The following APBA1 variants were observed in gnomAD, a reference collection of about 807,000 sequenced individuals.
APBA1 encodes the protein amyloid-beta A4 precursor protein-binding family A member 1.
APBA1 carries 55 observed loss-of-function variants against 86.6 expected under a neutral mutation model. That is an observed-to-expected ratio of 0.64 (90% CI 0.51 to 0.80). APBA1 has a LOEUF of 0.80. Among genes scored for constraint, APBA1 ranks in the 30% least tolerant of loss-of-function variants. The pLI is 0.00. For missense variants in APBA1, 1,090 were observed against 1,183.0 expected (o/e 0.92, Z 1.15); for synonymous variants, 511 against 493.9 (o/e 1.03, Z -0.46).
chr9:69,655,648 C>T (rs980806341), intron 1 of APBA1, among the ~76,000 whole-genome samples: 1 of 152,070 alleles, frequency 6.6e-6, no homozygotes, highest in African/African-American at 2.4e-5. Context: ...ATTAAAATGA[C>T]TGTATCTACA....
chr9:69,466,464 C>A (rs1225582941), intron 5 of APBA1, among the ~76,000 whole-genome samples: 1 of 152,222 alleles, frequency 6.6e-6, no homozygotes, highest in Non-Finnish European at 1.5e-5. Flanking sequence ...TTCCTTTCTA[C>A]CTCTCAGGCA....
intron 2 of APBA1, among the ~76,000 whole-genome samples, chr9:69,482,468 A>C (rs1835528853): frequency 6.6e-6 from 1 of 151,070 alleles, no homozygotes; most frequent in Admixed American, 6.6e-5. Flanking sequence ...AAAAGTCAGG[A>C]AACAATGGGT....
intron 1 of APBA1, among the ~76,000 whole-genome samples, chr9:69,661,801 C>G (rs1823756706): frequency 6.6e-6 from 1 of 152,012 alleles, no homozygotes; most frequent in Non-Finnish European, 1.5e-5. Context: ...TGGTTTTTCT[C>G]TCCTTTCCTC....
chr9:69,487,086 A>T (rs963363341), intron 2 of APBA1, among the ~76,000 whole-genome samples: 4 of 152,134 alleles, frequency 2.6e-5, no homozygotes, highest in Admixed American at 1.3e-4. Flanking sequence ...CTGGAGGTAA[A>T]GGCTTCCTGC....
chr9:69,460,467 C>T (rs1421084468), intron 5 of APBA1, among the ~76,000 whole-genome samples: 1 of 152,184 alleles, frequency 6.6e-6, no homozygotes, highest in East Asian at 1.9e-4. Context: ...GCATAACTGA[C>T]AGCTGGGAGA....
At chr9:69,434,045 C>T (rs1030271233) in intron 11 of APBA1, among the ~76,000 whole-genome samples, 3 of 152,320 alleles carry the variant, frequency 2.0e-5, no homozygotes, top group East Asian at 3.9e-4. Context: ...CTCCTGGCCT[C>T]AAGTGATCTG....
chr9:69,525,863 A>G (rs1836334128), intron 1 of APBA1, among the ~76,000 whole-genome samples: 1 of 152,172 alleles, frequency 6.6e-6, no homozygotes, highest in Non-Finnish European at 1.5e-5. Context: ...TTGTACAAAA[A>G]CAGACACATA....
Position 69,668,687 on chromosome 9 carries a change from CTCTT to C in APBA1, c.-70+3462_-70+3465del, listed in dbSNP as rs1823886944. On this transcript the variant is annotated intron_variant, in intron 1 of 12. Transcript: ENST00000265381. ...TTGCTCCACCACCTTGAACAAACCT[CTCTT>C]TCTTGCTTTATCCCTCATTACATCT... Among the ~76,000 whole-genome samples, 6 of 152,342 alleles carry C rather than the reference CTCTT, an allele frequency of 3.9e-5. No homozygotes were observed. The South Asian group carries it at 1.2e-3, about 32-fold the overall frequency.
chr9:69,566,049 G>C lies in APBA1; in HGVS notation c.-69-48770C>G, dbSNP rs958760918. Among the ~76,000 whole-genome samples, 18 of 152,266 alleles carry C rather than the reference G, an allele frequency of 1.2e-4. No individual in the cohort carries two copies. In the South Asian group the frequency reaches 1.9e-3, roughly 16 times the overall value. On this transcript the variant is annotated intron_variant, in intron 1 of 12. Coordinates refer to ENST00000265381, the MANE Select transcript of APBA1 (RefSeq NM_001163.4). ...TCCCAGCTTCAGAACTCCCTGCCCT[G>C]CTCCTGCACACATGCAGGGCCCTTG...
At chr9:69,483,987 C>T (rs143136805) in intron 2 of APBA1, among the ~76,000 whole-genome samples, 46 of 152,182 alleles carry the variant, frequency 3.0e-4, no homozygotes, top group African/African-American at 8.9e-4. Flanking sequence ...AATTTAATGC[C>T]TTTAAATTTC....
Position 69,517,085 on chromosome 9 carries a change from C to T in APBA1, c.126G>A (p.Pro42=), listed in dbSNP as rs769331445. The T allele has an allele frequency of 1.9e-6, 3 of 1,580,190 alleles. No homozygotes were observed. The South Asian group carries it at 3.4e-5, about 18-fold the overall frequency. Reference sequence around the variant, plus strand: ...GGCGGCCCACATAGTGCTGCTGCTGCGGCGGCTGCTGCTGTTCCTCTTCCA... The same window carrying T: ...GGCGGCCCACATAGTGCTGCTGCTGTGGCGGCTGCTGCTGTTCCTCTTCCA... ...PEVEEEQQQP[P]QQQHYVGRHQ... The change falls in exon 2 of 13, where the codon CCG becomes CCA. Residue 42 remains proline (P), a synonymous_variant. Coordinates refer to ENST00000265381, the MANE Select transcript of APBA1 (RefSeq NM_001163.4).
In APBA1 at chr9:69,516,225, G is replaced by A. The variant is rs754033623; in HGVS notation, c.986C>T (p.Ala329Val). 1.9e-5 allele frequency: 28 copies of A among 1,483,692 alleles called. No individual in the cohort carries two copies. The highest frequency in any genetic ancestry group is 1.5e-5 in the Non-Finnish European group (17 of 1,114,444). The allele number at this position is 1,483,692 out of a possible 1,614,324, so 91.9% of individuals were successfully genotyped here. The stretch of plus-strand genomic sequence containing the variant: ...CCGCTGCCCCGCCTCGCCGCCGCCC[G>A]CGGGGCCCACCGCCCGCTGCTGCCC... ...PAGQQRAVGPAGGGEAGQRYS... is the reference protein window; with the variant it reads ...PAGQQRAVGPVGGGEAGQRYS... Residue 329 changes from alanine (A) to valine (V), a missense_variant, in exon 2 of 13, where the codon GCG becomes GTG. By Grantham distance (64) the Ala-to-Val change is moderately conservative (BLOSUM62 0). This residue lies in a region of APBA1 where 678 missense variants were observed against 647.1 expected (regional missense o/e 1.05). Coordinates refer to ENST00000265381, the MANE Select transcript of APBA1 (RefSeq NM_001163.4). The surrounding 1 kb of genome is among the most constrained non-coding windows in gnomAD (Gnocchi z 7.3).
chr9:69,565,264 C>T (rs572252636), intron 1 of APBA1, among the ~76,000 whole-genome samples: 4 of 152,018 alleles, frequency 2.6e-5, no homozygotes, highest in African/African-American at 7.2e-5. Context: ...GGTGCCTGTC[C>T]GAGCCCAAAA....
intron 2 of APBA1, among the ~76,000 whole-genome samples, chr9:69,515,041 C>T (rs1440310131): frequency 6.6e-6 from 1 of 152,206 alleles, no homozygotes; most frequent in Non-Finnish European, 1.5e-5. Context: ...CTCAAATTGT[C>T]GTCCTGGGAC....
chr9:69,450,849 A>G (rs575811372), intron 9 of APBA1, among the ~76,000 whole-genome samples: 1 of 152,242 alleles, frequency 6.6e-6, no homozygotes, highest in Non-Finnish European at 1.5e-5. Flanking sequence ...AAATTTGGAC[A>G]TAGGGACATG....
chr9:69,554,871 T>G (rs922265268), intron 1 of APBA1, among the ~76,000 whole-genome samples: 1 of 152,166 alleles, frequency 6.6e-6, no homozygotes, highest in African/African-American at 2.4e-5. Context: ...TTATTTTGAT[T>G]CAGTAGTAAG....
intron 1 of APBA1, among the ~76,000 whole-genome samples, chr9:69,620,799 A>G (rs1822800198): frequency 6.6e-6 from 1 of 152,194 alleles, no homozygotes; most frequent in Non-Finnish European, 1.5e-5. Context: ...AATTCACTCC[A>G]TCTCTGCATG....
chr9:69,526,516 A>G (rs1836345200), intron 1 of APBA1, among the ~76,000 whole-genome samples: 1 of 152,126 alleles, frequency 6.6e-6, no homozygotes, highest in South Asian at 2.1e-4. Flanking sequence ...CAAACCCACA[A>G]TGAAGTAGCA....
chr9:69,471,385 G>A (rs1013095641), intron 4 of APBA1, among the ~76,000 whole-genome samples: 1 of 152,164 alleles, frequency 6.6e-6, no homozygotes, highest in African/African-American at 2.4e-5. Context: ...TGTGACCACT[G>A]CTAAGCTGCA....
Sources: gnomAD v4.1 joint callset for allele counts (sites outside exome capture counted in the v4.1 genomes callset) on GRCh38, gnomAD v4.1.1 for gene constraint, gnomAD v4.1.1 regional missense constraint, Gnocchi (gnomAD v3.1) non-coding constraint, MANE v1.5 for transcripts, NCBI Gene and HGNC (gene_info 2026-07-23, HGNC 2026-07-21) for gene names.